PDK4: variants seen among roughly 807,000 people sequenced by gnomAD.
PDK4 encodes the protein pyruvate dehydrogenase kinase, isozyme 4.
PDK4 carries 43 observed loss-of-function variants against 51.7 expected under a neutral mutation model. That is an observed-to-expected ratio of 0.83 (90% CI 0.65 to 1.07). The LOEUF (loss-of-function observed/expected upper bound fraction) is 1.07, where lower values mean the gene tolerates loss of function less well. PDK4 is among the 50% of genes least tolerant of loss of function. PDK4 has a pLI of 0.00. For missense variants in PDK4, 498 were observed against 503.5 expected (o/e 0.99, Z 0.10); for synonymous variants, 170 against 176.6 (o/e 0.96, Z 0.30).
chr7:95,594,331 C>T lies in PDK4; in HGVS notation c.273-561G>A, dbSNP rs559112811. Among the ~76,000 whole-genome samples the T allele has an allele frequency of 1.1e-3, 161 of 152,198 alleles. 1 individual carries two copies. Among genetic ancestry groups the T allele is most frequent in the African/African-American group, 2.8e-3 (118 of 41,554 alleles). Reference sequence around the variant, plus strand: ...CCCAAAAATTTGCTGTTTTGGGTTACCTACCTTCTCTAAGCATCAGTATCT... The same window carrying T: ...CCCAAAAATTTGCTGTTTTGGGTTATCTACCTTCTCTAAGCATCAGTATCT... On this transcript the variant is annotated intron_variant, in intron 2 of 10. Transcript: ENST00000005178.
In PDK4 at chr7:95,587,480, A is replaced by G; in HGVS notation, c.919T>C (p.Phe307Leu). Residue 307 changes from phenylalanine to leucine, a missense_variant, in exon 9 of 11, where the codon TTT (phenylalanine) becomes CTT (leucine). By Grantham distance (22) the Phe-to-Leu change is conservative. Coordinates refer to ENST00000005178, the MANE Select transcript of PDK4 (RefSeq NM_002612.4). ...GVPLRIIDRL[F>L]SYTYSTAPTP... is the part of the protein sequence containing the mutation. ...GGTGCAGTGGAGTATGTATAACTAA[A>G]GAGGCGGTCAATAATTCTCAGGGGA... is the stretch of plus-strand genomic sequence containing the variant. 6.2e-7 allele frequency: 1 copy of G among 1,612,076 alleles called. No homozygotes were observed. Among genetic ancestry groups the G allele is most frequent in the Non-Finnish European group, 8.5e-7 (1 of 1,178,078 alleles).
chr7:95,587,187 G>T (rs1333677931), intron 9 of PDK4, 64 bp from the exon 10 acceptor site: 3 of 947,800 alleles, frequency 3.2e-6, no homozygotes, highest in African/African-American at 3.3e-5. Flanking sequence ...AAACAAGCAG[G>T]AAATTACTGT....
At chr7:95,588,179 A>C (rs967464800) in intron 7 of PDK4, among the ~76,000 whole-genome samples, 1 of 152,194 alleles carries the variant, frequency 6.6e-6, no homozygotes, top group Non-Finnish European at 1.5e-5. Flanking sequence ...TTTTACATCC[A>C]AGCACCAAAG....
intron 8 of PDK4, 50 bp downstream of exon 8, chr7:95,587,677 C>G: frequency 7.7e-7 from 1 of 1,292,590 alleles, no homozygotes; most frequent in Non-Finnish European, 1.1e-6. Context: ...ACTATTGACC[C>G]TATTTAATTC....
Position 95,596,185 on chromosome 7 carries a change from T to C in PDK4, c.109A>G (p.Met37Val). 1 of 1,603,832 alleles carries C rather than the reference T, an allele frequency of 6.2e-7. No homozygotes were observed. The highest frequency in any genetic ancestry group is 8.5e-7 in the Non-Finnish European group (1 of 1,175,496). ...TCACCAAAGTCCAGTAGCTGCTTCATGGACAGCGGGGACGGGCTGTAGCGC... is the reference window on the plus strand; with the variant it reads ...TCACCAAAGTCCAGTAGCTGCTTCACGGACAGCGGGGACGGGCTGTAGCGC... The part of the protein sequence containing the change: ...FSRYSPSPLS[M>V]KQLLDFGSEN... Residue 37 changes from methionine (M) to valine (V), a missense_variant, in exon 1 of 11, where the codon ATG becomes GTG. Coordinates refer to ENST00000005178, the MANE Select transcript of PDK4 (RefSeq NM_002612.4).
chr7:95,584,390 G>A lies in PDK4; in HGVS notation c.*1251C>T, dbSNP rs11531570. On this transcript the variant is annotated 3_prime_UTR_variant, in exon 11 of 11. Coordinates refer to ENST00000005178, the MANE Select transcript of PDK4 (RefSeq NM_002612.4). The stretch of plus-strand genomic sequence containing the variant: ...TTCTTCTTCTCTAAGAGTAATCAGC[G>A]CAACTGGTCTGCCAACCTTCAAATT... The A allele has an allele frequency of 0.42, 63,211 of 151,618 alleles. 13,603 individuals carry two copies. Among genetic ancestry groups the A allele is most frequent in the East Asian group, 0.83 (4,273 of 5,152 alleles). The allele number at this position is 151,618 out of a possible 1,614,324, so 9.4% of individuals were successfully genotyped here.
Position 95,585,346 on chromosome 7 carries a change from T to G in PDK4, c.*295A>C, listed in dbSNP as rs16868830. 25,828 of 231,260 alleles carry G rather than the reference T, an allele frequency of 0.11. 2,004 individuals are homozygous for G. The highest frequency in any genetic ancestry group is 0.24 in the African/African-American group (10,923 of 44,646). 14.3% of individuals were successfully genotyped at this position (231,260 alleles called of 1,614,324 possible). ...TTCACACTCACTCCCTTTCTTATTC[T>G]TATCAAAAACAGATGGAAAACTGAG... On this transcript the variant is annotated 3_prime_UTR_variant, in exon 11 of 11. Coordinates refer to ENST00000005178, the MANE Select transcript of PDK4 (RefSeq NM_002612.4).
At chr7:95,589,132 C>T (rs556420771) in intron 7 of PDK4, among the ~76,000 whole-genome samples, 2 of 152,280 alleles carry the variant, frequency 1.3e-5, no homozygotes, top group South Asian at 4.2e-4. Context: ...TAACTAAGTC[C>T]CCAGGTGATT....
At chr7:95,593,953 G>T (rs1299943174) in intron 2 of PDK4, among the ~76,000 whole-genome samples, 183 bp from the exon 3 acceptor site, 2 of 152,068 alleles carry the variant, frequency 1.3e-5, no homozygotes, top group Non-Finnish European at 2.9e-5. Flanking sequence ...TTTAATCCTT[G>T]ACTTTCAAAC....
chr7:95,587,531 A>G lies in PDK4; in HGVS notation c.871-3T>C, dbSNP rs752648376. The G allele has an allele frequency of 1.3e-6, 2 of 1,551,040 alleles. No individual in the cohort carries two copies. Among genetic ancestry groups the G allele is most frequent in the East Asian group, 2.2e-5 (1 of 44,582 alleles). The stretch of plus-strand genomic sequence containing the variant: ...ACACCACCTCCTCTGTCTGAAATCT[A>G]AAACAAACAAACAAGTCATCAAAGC... On this transcript the variant is annotated splice_region_variant and splice_polypyrimidine_tract_variant and intron_variant, in intron 8 of 10. Transcript: ENST00000005178.
chr7:95,587,751 C>T lies in PDK4; in HGVS notation c.846G>A (p.Leu282=), dbSNP rs527268499. 5.6e-6 allele frequency: 9 copies of T among 1,612,204 alleles called. No homozygotes were observed. In the East Asian group the frequency reaches 2.0e-4, roughly 36 times the overall value. ...CCTTAATGGTAAGGTCTTCTTTTCC[C>T]AAGACAACAATAACCTCTATTGGTG... ...SLTPIEVIVV[L]GKEDLTIKIS... is the part of the protein sequence containing the mutation. The change falls in exon 8 of 11, where the codon TTG becomes TTA. Residue 282 remains leucine, a synonymous_variant. Transcript: ENST00000005178.
In PDK4 at chr7:95,596,223, A is replaced by G. The variant is rs757783042; in HGVS notation, c.71T>C (p.Val24Ala). ...CGGGCTGTAGCGCGAGAAATGCTCC[A>G]CCTCTCGGGGCACCAGGCCGGCGCC... ...LNGAGLVPRE[V>A]EHFSRYSPSP... Residue 24 changes from valine to alanine, a missense_variant, in exon 1 of 11, where the codon GTG becomes GCG. Coordinates refer to ENST00000005178, the MANE Select transcript of PDK4 (RefSeq NM_002612.4). The G allele has an allele frequency of 4.4e-6, 7 of 1,602,278 alleles. No individual in the cohort carries two copies. Among genetic ancestry groups the G allele is most frequent in the Non-Finnish European group, 6.0e-6 (7 of 1,174,730 alleles).
intron 10 of PDK4, 75 bp from the exon 11 acceptor site, chr7:95,585,856 C>A: frequency 7.8e-7 from 1 of 1,279,704 alleles, no homozygotes; most frequent in South Asian, 1.4e-5. Context: ...AGTTATTACT[C>A]AAAATACATT....
intron 3 of PDK4, 103 bp from the exon 4 acceptor site, chr7:95,593,047 A>G: frequency 1.6e-6 from 1 of 606,476 alleles, no homozygotes; most frequent in Non-Finnish European, 2.8e-6. Context: ...TGCATTACCC[A>G]TCTGAACAAA....
At chr7:95,591,001 A>G (rs2116715829) in intron 6 of PDK4, among the ~76,000 whole-genome samples, 1 of 152,254 alleles carries the variant, frequency 6.6e-6, no homozygotes, top group South Asian at 2.1e-4. Flanking sequence ...GCAGTGGGAC[A>G]ATCATGGCTC....
At position 95,583,623 on chromosome 7, in the gene PDK4, C is replaced by T. The variant is rs1012811983; in HGVS notation, c.*2018G>A. On this transcript the variant is annotated 3_prime_UTR_variant, in exon 11 of 11. Transcript: ENST00000005178. ...GGCCTGAGTATTCAGTATCCATCTACTAGAATCCTAAAGCTCTTCCCCAGA... is the reference window on the plus strand; with the variant it reads ...GGCCTGAGTATTCAGTATCCATCTATTAGAATCCTAAAGCTCTTCCCCAGA... 5 of 152,492 alleles carry T rather than the reference C, an allele frequency of 3.3e-5. No homozygotes were observed. Among genetic ancestry groups the T allele is most frequent in the African/African-American group, 1.2e-4 (5 of 41,436 alleles). The allele number at this position is 152,492 out of a possible 1,614,324, so 9.4% of individuals were successfully genotyped here.
rs1297649994 is a variant in PDK4, at chr7:95,592,520, CT to C, written c.606del (p.Val203TrpfsTer23). 1 of 1,597,098 alleles carries C rather than the reference CT, an allele frequency of 6.3e-7. No homozygotes were observed. Among genetic ancestry groups the C allele is most frequent in the Non-Finnish European group, 8.6e-7 (1 of 1,164,718 alleles). On this transcript the variant is annotated frameshift_variant, in exon 5 of 11. Coordinates refer to ENST00000005178, the MANE Select transcript of PDK4 (RefSeq NM_002612.4). LOFTEE classifies it high-confidence loss of function. ...GSIDPNCDVVAVVQDAFECSR... is the reference protein window; with the variant it reads ...GSIDPNCDVVXVVQDAFECSR... Reference sequence around the variant, plus strand: ...GAAATACAGAACATACCTTGGACCACTGCTACCACATCACAGTTAGGATCAA... The same window carrying C: ...GAAATACAGAACATACCTTGGACCACGCTACCACATCACAGTTAGGATCAA...
chr7:95,585,609 T>A lies in PDK4; in HGVS notation c.*32A>T, dbSNP rs553085524. 18 of 1,577,584 alleles carry A rather than the reference T, an allele frequency of 1.1e-5. No individual in the cohort carries two copies. In the South Asian group the frequency reaches 2.0e-4, roughly 17 times the overall value. ...GAAGCAGCACTGGTGTAGACCCACT[T>A]TGATCCCGTAAAGTGTCCTGAGTGT... On this transcript the variant is annotated 3_prime_UTR_variant, in exon 11 of 11. Coordinates refer to ENST00000005178, the MANE Select transcript of PDK4 (RefSeq NM_002612.4).
chr7:95,594,467 T>C (rs1180589285), intron 2 of PDK4, among the ~76,000 whole-genome samples: 1 of 152,118 alleles, frequency 6.6e-6, no homozygotes, highest in Non-Finnish European at 1.5e-5. Flanking sequence ...CTCATTTCAT[T>C]ACACTCAAAC....
Sources: allele counts gnomAD v4.1 joint callset (sites outside exome capture counted in the v4.1 genomes callset), GRCh38; gene constraint gnomAD v4.1.1; transcripts MANE v1.5; gene names NCBI Gene and HGNC (gene_info 2026-07-23, HGNC 2026-07-21).